Variants in COX7B2 observed in about 807,000 individuals in gnomAD.
COX7B2 encodes the protein cytochrome c oxidase subunit 7B2.
For synonymous variants in COX7B2, 37 were observed against 32.1 expected (o/e 1.15, Z -0.51); for missense variants, 109 against 95.9 (o/e 1.14, Z -0.57).
chr4:46,739,237 G>T (rs1417740394), intron 2 of COX7B2, among the ~76,000 whole-genome samples: 1 of 152,030 alleles, frequency 6.6e-6, no homozygotes, highest in Non-Finnish European at 1.5e-5. Context: ...GGATGTGAAT[G>T]TAAGTCCTCT....
intron 2 of COX7B2, among the ~76,000 whole-genome samples, chr4:46,799,167 G>A (rs190667333): frequency 7.9e-4 from 120 of 152,194 alleles, no homozygotes; most frequent in African/African-American, 2.7e-3. Flanking sequence ...CAGCTTGAAC[G>A]TTATTGGTGT....
chr4:46,873,874 A>G (rs190162534), intron 1 of COX7B2, among the ~76,000 whole-genome samples: 16 of 152,120 alleles, frequency 1.1e-4, no homozygotes, highest in Non-Finnish European at 1.8e-4. Context: ...CCTGTGTCCA[A>G]GTGTTTTCAT....
At chr4:46,820,298 G>A (rs1714182519) in intron 2 of COX7B2, among the ~76,000 whole-genome samples, 1 of 152,042 alleles carries the variant, frequency 6.6e-6, no homozygotes, top group African/African-American at 2.4e-5. Context: ...CTCACAACAG[G>A]GTTTCCGGTC....
chr4:46,885,177 C>T (rs900153912), intron 1 of COX7B2, among the ~76,000 whole-genome samples: 4 of 152,000 alleles, frequency 2.6e-5, no homozygotes, highest in African/African-American at 9.7e-5. Flanking sequence ...CCGTTTCCCA[C>T]TCCTTTCACA....
intron 2 of COX7B2, among the ~76,000 whole-genome samples, chr4:46,805,348 C>A (rs376173252): frequency 6.6e-5 from 10 of 152,244 alleles, no homozygotes; most frequent in Admixed American, 4.6e-4. Context: ...CACGCTGTCA[C>A]CTCTCAATAT....
At chr4:46,755,165 A>T (rs1715707363) in intron 2 of COX7B2, among the ~76,000 whole-genome samples, 1 of 152,034 alleles carries the variant, frequency 6.6e-6, no homozygotes, top group Non-Finnish European at 1.5e-5. Flanking sequence ...TACATCACAT[A>T]AACAGAATTA....
At chr4:46,777,203 C>A (rs1348110822) in intron 2 of COX7B2, among the ~76,000 whole-genome samples, 1 of 151,958 alleles carries the variant, frequency 6.6e-6, no homozygotes, top group Non-Finnish European at 1.5e-5. Flanking sequence ...GACCTTGAAA[C>A]CAGACCAAAA....
At chr4:46,778,993 A>C (rs539178729) in intron 2 of COX7B2, among the ~76,000 whole-genome samples, 1 of 152,210 alleles carries the variant, frequency 6.6e-6, no homozygotes, top group African/African-American at 2.4e-5. Context: ...CAATTTAGAT[A>C]CTGAAAATTT....
At chr4:46,746,885 A>C (rs1277728055) in intron 2 of COX7B2, among the ~76,000 whole-genome samples, 1 of 152,198 alleles carries the variant, frequency 6.6e-6, no homozygotes, top group Non-Finnish European at 1.5e-5. Context: ...ACAGCCTACT[A>C]AACACAGGAA....
At chr4:46,778,206 G>C (rs1221373689) in intron 2 of COX7B2, among the ~76,000 whole-genome samples, 2 of 152,118 alleles carry the variant, frequency 1.3e-5, no homozygotes, top group Non-Finnish European at 2.9e-5. Context: ...AAAATTTCAA[G>C]ATTCTTTCTC....
intron 2 of COX7B2, among the ~76,000 whole-genome samples, chr4:46,778,123 A>AT (rs1717256710): frequency 6.6e-6 from 1 of 152,148 alleles, no homozygotes; most frequent in African/African-American, 2.4e-5. Flanking sequence ...CTTAACTGGC[A>AT]TGAGTCTGAA....
chr4:46,867,651 C>A (rs148303804), intron 1 of COX7B2, among the ~76,000 whole-genome samples: 2 of 152,228 alleles, frequency 1.3e-5, no homozygotes, highest in African/African-American at 2.4e-5. Context: ...CCACAAGGAG[C>A]AGCCACTCTG....
rs146477410 is a variant in COX7B2, at chr4:46,734,989, G to A, written c.204C>T (p.Ser68=). The A allele has an allele frequency of 8.7e-6, 14 of 1,613,868 alleles. No homozygotes were observed. Among genetic ancestry groups the A allele is most frequent in the Non-Finnish European group, 1.0e-5 (12 of 1,179,968 alleles). Residue 68 remains serine, a synonymous_variant, in exon 3 of 3, where the codon TCC becomes TCT. Transcript: ENST00000355591. The part of the protein sequence containing the change: ...ATQIGIEWNL[S]PVGRVTPKEW... The stretch of plus-strand genomic sequence containing the variant: ...CTTTTGGGGTAACTCTGCCAACAGG[G>A]GATAGGTTCCATTCTATTCCAATCT...
chr4:46,837,873 T>C (rs116555376), intron 2 of COX7B2, among the ~76,000 whole-genome samples: 1,675 of 151,986 alleles, frequency 0.011, 19 homozygotes, highest in Middle Eastern at 0.041. Context: ...TAATTAACCA[T>C]AGAACAAATT....
At chr4:46,804,247 G>A (rs1560391672) in intron 2 of COX7B2, among the ~76,000 whole-genome samples, 2 of 152,292 alleles carry the variant, frequency 1.3e-5, no homozygotes. Flanking sequence ...CGGACCCAAA[G>A]AGTGAGCAGT....
At chr4:46,815,415 TTATC>T (rs1459381586) in intron 2 of COX7B2, among the ~76,000 whole-genome samples, 1 of 152,212 alleles carries the variant, frequency 6.6e-6, no homozygotes, top group East Asian at 1.9e-4. Flanking sequence ...AGTGTAATAA[TTATC>T]TATCCTACTT....
At chr4:46,802,140 A>C (rs983252012) in intron 2 of COX7B2, among the ~76,000 whole-genome samples, 3 of 152,124 alleles carry the variant, frequency 2.0e-5, no homozygotes, top group Admixed American at 2.0e-4. Context: ...CATTCATGTG[A>C]TCAAAATAAT....
At chr4:46,824,099 C>T (rs1480999573) in intron 2 of COX7B2, among the ~76,000 whole-genome samples, 1 of 151,900 alleles carries the variant, frequency 6.6e-6, no homozygotes, top group Non-Finnish European at 1.5e-5. Context: ...TGAAATTAAC[C>T]TCCCAAGACG....
intron 1 of COX7B2, among the ~76,000 whole-genome samples, chr4:46,905,274 A>G (rs1354328469): frequency 6.6e-6 from 1 of 152,174 alleles, no homozygotes; most frequent in Non-Finnish European, 1.5e-5. Context: ...TCGCAAATGT[A>G]TGGTTCAAAA....
Sources: gnomAD v4.1 joint callset for allele counts (sites outside exome capture counted in the v4.1 genomes callset) on GRCh38, gnomAD v4.1.1 for gene constraint, MANE v1.5 for transcripts, NCBI Gene and HGNC (gene_info 2026-07-23, HGNC 2026-07-21) for gene names.